Variants in SEL1L3 observed in about 807,000 individuals in gnomAD.
SEL1L3 encodes the protein protein sel-1 homolog 3.
SEL1L3 carries 76 observed loss-of-function variants against 142.8 expected under a neutral mutation model. The ratio of observed to expected loss-of-function variants is 0.53; its 90% CI spans 0.44 to 0.64. SEL1L3 has a LOEUF of 0.64. Among genes scored for constraint, SEL1L3 ranks in the 30% least tolerant of loss-of-function variants. The pLI, the probability that SEL1L3 is intolerant of heterozygous loss-of-function variation, is 0.00. For missense variants in SEL1L3, 1,262 were observed against 1,381.7 expected (o/e 0.91, Z 1.37); for synonymous variants, 504 against 519.6 (o/e 0.97, Z 0.41).
intron 14 of SEL1L3, 82 bp from the exon 15 acceptor site, chr4:25,782,500 C>A: frequency 2.5e-6 from 3 of 1,207,196 alleles, no homozygotes; most frequent in Non-Finnish European, 3.5e-6. Flanking sequence ...TGGAAGCATT[C>A]TGCCTAAGTC....
intron 6 of SEL1L3, among the ~76,000 whole-genome samples, chr4:25,828,628 C>T (rs1431764900): frequency 6.6e-6 from 1 of 152,044 alleles, no homozygotes; most frequent in Non-Finnish European, 1.5e-5. Flanking sequence ...TCATGTGATT[C>T]ACCCACCTTG....
intron 9 of SEL1L3, 135 bp downstream of exon 9, chr4:25,818,002 TA>T (rs770982410): frequency 5.7e-5 from 51 of 901,866 alleles, no homozygotes; most frequent in Non-Finnish European, 8.1e-5. Flanking sequence ...AGGCAGAATT[TA>T]AATCTGAAAT....
intron 5 of SEL1L3, among the ~76,000 whole-genome samples, chr4:25,831,948 G>T (rs1283890032): frequency 1.3e-5 from 2 of 152,172 alleles, no homozygotes; most frequent in East Asian, 1.9e-4. Context: ...CTGTGAATCT[G>T]CACTGATGAT....
At chr4:25,727,986 A>G in the SEL1L3 span, among the ~76,000 whole-genome samples, 1 of 152,116 alleles carries the variant, frequency 6.6e-6, no homozygotes, top group Non-Finnish European at 1.5e-5. Context: ...TGAAATATGA[A>G]CTAGGCCGGT....
At chr4:25,841,119 A>C (rs1716140415) in intron 2 of SEL1L3, among the ~76,000 whole-genome samples, 1 of 150,376 alleles carries the variant, frequency 6.6e-6, no homozygotes, top group African/African-American at 2.5e-5. Flanking sequence ...TGCAGCCTCC[A>C]TCTCCTGAAT....
At chr4:25,814,410 C>T (rs989953530) in intron 9 of SEL1L3, among the ~76,000 whole-genome samples, 2 of 152,176 alleles carry the variant, frequency 1.3e-5, no homozygotes, top group Admixed American at 6.5e-5. Context: ...GTTACCACGC[C>T]TATTCAGTGC....
At chr4:25,752,127 GT>G (rs752322871) in intron 23 of SEL1L3, among the ~76,000 whole-genome samples, 1,433 of 115,058 alleles carry the variant, frequency 0.012, 12 homozygotes, top group Admixed American at 0.015. Flanking sequence ...AAAAAAAATA[GT>G]TGAATGGGCA....
chr4:25,812,704 C>T (rs1312593804), intron 9 of SEL1L3, among the ~76,000 whole-genome samples: 1 of 138,964 alleles, frequency 7.2e-6, no homozygotes, highest in Non-Finnish European at 1.5e-5. Flanking sequence ...AAGAGTGAAA[C>T]TCTGTCTCAG....
At chr4:25,829,121 C>T (rs568677899) in intron 6 of SEL1L3, among the ~76,000 whole-genome samples, 5 of 152,264 alleles carry the variant, frequency 3.3e-5, no homozygotes, top group Middle Eastern at 6.8e-3. Flanking sequence ...TACAGGCATG[C>T]GCCACCACGC....
At chr4:25,860,232 T>C (rs935314698) in intron 1 of SEL1L3, among the ~76,000 whole-genome samples, 1 of 152,306 alleles carries the variant, frequency 6.6e-6, no homozygotes, top group African/African-American at 2.4e-5. Context: ...CTATCGTTAT[T>C]ACCATGTAGG....
At chr4:25,820,377 C>A (rs1385106088) in intron 7 of SEL1L3, among the ~76,000 whole-genome samples, 2 of 152,258 alleles carry the variant, frequency 1.3e-5, no homozygotes, top group Non-Finnish European at 2.9e-5. Context: ...TCAGGACAGG[C>A]CCCCCTAGTG....
rs552775084 is a variant in SEL1L3, at chr4:25,764,786, G to A, written c.2955+540C>T. On this transcript the variant is annotated intron_variant, in intron 20 of 23. Transcript: ENST00000399878. Reference sequence around the variant, plus strand: ...GATTATAAATAGGGTATAATAATCCGCACCCCCACAGGATTATGTGAGAAT... The same window carrying A: ...GATTATAAATAGGGTATAATAATCCACACCCCCACAGGATTATGTGAGAAT... Among the ~76,000 whole-genome samples the A allele has an allele frequency of 3.9e-5, 6 of 152,204 alleles. No homozygotes were observed. In the East Asian group the frequency reaches 5.8e-4, roughly 15 times the overall value.
intron 17 of SEL1L3, among the ~76,000 whole-genome samples, chr4:25,770,757 A>G (rs1481432421): frequency 7.3e-6 from 1 of 137,612 alleles, no homozygotes. Context: ...AAAAAAAAAA[A>G]AGAAAAGAAA....
rs1257353413 is a variant in SEL1L3 at position 25,847,586 on chromosome 4, A to G, written c.441T>C (p.His147=). Residue 147 remains histidine (H), a synonymous_variant, in exon 2 of 24, where the codon CAT becomes CAC. Coordinates refer to ENST00000399878, the MANE Select transcript of SEL1L3 (RefSeq NM_015187.5). ...AAACCATAATGCTTGGAAATTTCAC[A>G]TGTACTATTTGTGTCCTGCTGGTGT... ...HLHTSRTQIV[H]VKFPSIMVYR... 15 of 1,613,878 alleles carry G rather than the reference A, an allele frequency of 9.3e-6. No individual in the cohort carries two copies. Among genetic ancestry groups the G allele is most frequent in the African/African-American group, 1.3e-5 (1 of 74,914 alleles).
intron 1 of SEL1L3, among the ~76,000 whole-genome samples, chr4:25,858,576 TTTTG>T (rs372387427): frequency 0.028 from 4,266 of 151,878 alleles, 66 homozygotes; most frequent in Non-Finnish European, 0.042. Context: ...TTTTTGATTT[TTTTG>T]TTTGTTTGTT....
intron 11 of SEL1L3, among the ~76,000 whole-genome samples, chr4:25,794,445 C>T (rs1282276906): frequency 1.3e-5 from 2 of 152,194 alleles, no homozygotes; most frequent in Non-Finnish European, 2.9e-5. Flanking sequence ...CATCCCTGAT[C>T]ATTAGAGAAA....
intron 17 of SEL1L3, among the ~76,000 whole-genome samples, chr4:25,769,157 G>A (rs1718975979): frequency 6.6e-6 from 1 of 152,140 alleles, no homozygotes; most frequent in African/African-American, 2.4e-5. Flanking sequence ...CCTAGGAACT[G>A]GTTTAGGAAA....
At chr4:25,846,205 C>T (rs1174991387) in intron 2 of SEL1L3, among the ~76,000 whole-genome samples, 4 of 152,258 alleles carry the variant, frequency 2.6e-5, no homozygotes, top group Admixed American at 6.5e-5. Context: ...TTCAGAGTGC[C>T]GCCTCTCAGC....
At position 25,862,746 on chromosome 4, in the gene SEL1L3, C is replaced by T. The variant is rs1717816463; in HGVS notation, c.91G>A (p.Val31Ile). 8.1e-7 allele frequency: 1 copy of T among 1,241,658 alleles called. No individual in the cohort carries two copies. Among genetic ancestry groups the T allele is most frequent in the Non-Finnish European group, 1.0e-6 (1 of 993,482 alleles). 76.9% of individuals were successfully genotyped at this position (1,241,658 alleles called of 1,614,324 possible). The change falls in exon 1 of 24, where the codon GTC (valine) becomes ATC (isoleucine). Residue 31 changes from valine (V) to isoleucine (I), a missense_variant. By Grantham distance (29) the Val-to-Ile change is conservative. Transcript: ENST00000399878. ...CCCTGGGGGACGCCGCCACTCGGGA[C>T]CATGGCTGCGGCCCGGGGGCCGACC... is the stretch of plus-strand genomic sequence containing the variant. Reference protein sequence around the residue: ...LAVGPRAAAMVPSGGVPQGLG... With the variant: ...LAVGPRAAAMIPSGGVPQGLG...
Sources: allele counts gnomAD v4.1 joint callset (sites outside exome capture counted in the v4.1 genomes callset), GRCh38; gene constraint gnomAD v4.1.1; transcripts MANE v1.5; gene names NCBI Gene and HGNC (gene_info 2026-07-23, HGNC 2026-07-21).